Variants in PHF3 observed in about 807,000 individuals in gnomAD.
PHF3 encodes PHD finger protein 3.
Under a neutral mutation model 178.4 loss-of-function variants are expected in PHF3, and 41 were observed. The ratio of observed to expected loss-of-function variants is 0.23; its 90% CI spans 0.18 to 0.30. The LOEUF (loss-of-function observed/expected upper bound fraction) is 0.30. PHF3 is among the 10% of genes least tolerant of loss of function. The pLI is 1.00. For synonymous variants in PHF3, 842 were observed against 800.5 expected (o/e 1.05, Z -0.88); for missense variants, 2,346 against 2,398.1 (o/e 0.98, Z 0.45).
chr6:63,651,801 C>T (rs1447521708), intron 2 of PHF3, among the ~76,000 whole-genome samples: 5 of 152,086 alleles, frequency 3.3e-5, no homozygotes, highest in Non-Finnish European at 5.9e-5. Context: ...TGAGAGCATG[C>T]GGTATTTATA....
At chr6:63,662,426 A>G (rs1248256925) in intron 2 of PHF3, among the ~76,000 whole-genome samples, 2 of 152,084 alleles carry the variant, frequency 1.3e-5, no homozygotes, top group Admixed American at 1.3e-4. Context: ...AGTTCTAGTG[A>G]TTTTTCTCGC....
At chr6:63,710,826 T>G (rs1474389855) in intron 14 of PHF3, among the ~76,000 whole-genome samples, 2 of 152,138 alleles carry the variant, frequency 1.3e-5, no homozygotes, top group East Asian at 3.9e-4. Flanking sequence ...AATCAGGATA[T>G]AGTGTAGATA....
intron 4 of PHF3, among the ~76,000 whole-genome samples, chr6:63,687,697 T>A (rs1766776051): frequency 6.6e-6 from 1 of 152,192 alleles, no homozygotes; most frequent in Admixed American, 6.5e-5. Flanking sequence ...CAGTCCAGTC[T>A]TCAGGAGTTT....
intron 9 of PHF3, among the ~76,000 whole-genome samples, chr6:63,701,403 T>G (rs1272343041): frequency 1.3e-5 from 2 of 152,204 alleles, no homozygotes; most frequent in African/African-American, 2.4e-5. Context: ...TTGGAGATTG[T>G]GAACTTAAAG....
At position 63,721,689 on chromosome 6, in the gene PHF3, C is replaced by T. The variant is rs1561994287; in HGVS notation, c.*7981C>T. ...TCCTGCTTTTATTATATGCCAAGTA[C>T]TTCCGTTTATAGTTACTTTTTGGAG... On this transcript the variant is annotated 3_prime_UTR_variant, in exon 16 of 16. Coordinates refer to ENST00000262043, the MANE Select transcript of PHF3 (RefSeq NM_001370348.2). 1 of 1,551,410 alleles carries T rather than the reference C, an allele frequency of 6.4e-7. No homozygotes were observed. Among genetic ancestry groups the T allele is most frequent in the Non-Finnish European group, 8.7e-7 (1 of 1,146,758 alleles).
chr6:63,690,030 T>C (rs1766927336), intron 4 of PHF3, among the ~76,000 whole-genome samples: 1 of 152,148 alleles, frequency 6.6e-6, no homozygotes, highest in Admixed American at 6.5e-5. Context: ...TCATTACAAA[T>C]AATCATTTTT....
rs1404028499 is a variant in PHF3 at position 63,723,057 on chromosome 6, A to T, written c.*9349A>T. Among the ~76,000 whole-genome samples, 1 of 152,158 alleles carries T rather than the reference A, an allele frequency of 6.6e-6. No homozygotes were observed. Among genetic ancestry groups the T allele is most frequent in the Non-Finnish European group, 1.5e-5 (1 of 68,038 alleles). On this transcript the variant is annotated 3_prime_UTR_variant, in exon 16 of 16. Transcript: ENST00000262043. ...AAAACGGTATCTGGCCCATAAATAG[A>T]TGCTAAATAATTATTAAATAAAGAA...
chr6:63,674,562 C>G (rs1012379155), intron 2 of PHF3, among the ~76,000 whole-genome samples: 1 of 151,730 alleles, frequency 6.6e-6, no homozygotes, highest in African/African-American at 2.4e-5. Context: ...GTTACTCATT[C>G]ATGAAGGAAA....
In PHF3 at chr6:63,724,111, A is replaced by T. The variant is rs1768522359; in HGVS notation, c.*10403A>T. Among the ~76,000 whole-genome samples, 1 of 152,072 alleles carries T rather than the reference A, an allele frequency of 6.6e-6. No homozygotes were observed. Among genetic ancestry groups the T allele is most frequent in the Non-Finnish European group, 1.5e-5 (1 of 68,008 alleles). Reference sequence around the variant, plus strand: ...CATATGCCACTGCACCTGGCCTTGGATTCGCATTAGAGTAAGAAAATGTAA... The same window carrying T: ...CATATGCCACTGCACCTGGCCTTGGTTTCGCATTAGAGTAAGAAAATGTAA... On this transcript the variant is annotated 3_prime_UTR_variant, in exon 16 of 16. Coordinates refer to ENST00000262043, the MANE Select transcript of PHF3 (RefSeq NM_001370348.2).
In PHF3 at chr6:63,712,767, A is replaced by G. The variant is rs1768010125; in HGVS notation, c.5179A>G (p.Asn1727Asp). 6.2e-7 allele frequency: 1 copy of G among 1,613,858 alleles called. No individual in the cohort carries two copies. Among genetic ancestry groups the G allele is most frequent in the Non-Finnish European group, 8.5e-7 (1 of 1,179,964 alleles). The change falls in exon 16 of 16, where the codon AAC becomes GAC. Residue 1727 changes from asparagine (N) to aspartate (D), a missense_variant. This residue lies in a region of PHF3 where 839 missense variants were observed against 806.9 expected (regional missense o/e 1.04). Transcript: ENST00000262043. Reference protein sequence around the residue: ...KVAQNSPSVENIQTSQAEQAK... With the variant: ...KVAQNSPSVEDIQTSQAEQAK... ...TGCACAAAACTCACCATCAGTAGAAAACATACAGACTTCTCAAGCAGAACA... is the reference window on the plus strand; with the variant it reads ...TGCACAAAACTCACCATCAGTAGAAGACATACAGACTTCTCAAGCAGAACA...
At chr6:63,653,032 T>G (rs973829970) in intron 2 of PHF3, among the ~76,000 whole-genome samples, 9 of 151,258 alleles carry the variant, frequency 6.0e-5, no homozygotes, top group South Asian at 2.1e-4. Flanking sequence ...TTTTTTTTTT[T>G]TGTGGTTCTG....
chr6:63,636,819 A>G (rs970131914), intron 1 of PHF3: 2 of 152,030 alleles, frequency 1.3e-5, no homozygotes, highest in Non-Finnish European at 2.9e-5. Context: ...CCACTTGTCG[A>G]TACGTACGTG....
intron 4 of PHF3, among the ~76,000 whole-genome samples, chr6:63,690,980 T>G (rs1766973573): frequency 6.6e-6 from 1 of 152,180 alleles, no homozygotes; most frequent in Non-Finnish European, 1.5e-5. Context: ...ATAAGGAGAT[T>G]GGGAATTAAA....
intron 4 of PHF3, 22 bp from the exon 5 acceptor site, chr6:63,691,715 T>C (rs751216575): frequency 6.5e-7 from 1 of 1,532,366 alleles, no homozygotes; most frequent in Admixed American, 2.2e-5. Context: ...GGATAAAAGT[T>C]TTTTGGTGTT....
At chr6:63,683,099 C>T (rs1353580174) in intron 3 of PHF3, among the ~76,000 whole-genome samples, 4 of 151,942 alleles carry the variant, frequency 2.6e-5, no homozygotes, top group Non-Finnish European at 4.4e-5. Context: ...TACTCAGATA[C>T]TTTGTTGTGT....
Position 63,685,127 on chromosome 6 carries a change from G to A in PHF3, c.1405G>A (p.Asp469Asn). The change falls in exon 4 of 16, where the codon GAT (aspartate) becomes AAT (asparagine). Residue 469 changes from aspartate (D) to asparagine (N), a missense_variant. Transcript: ENST00000262043. ...IESHETANLQ[D>N]DRNSQSSSVS... ...GTCCCATGAAACAGCAAACCTTCAG[G>A]ATGACAGAAACAGCCAGTCAAGTAG... 6.2e-7 allele frequency: 1 copy of A among 1,613,982 alleles called. No homozygotes were observed. The highest frequency in any genetic ancestry group is 1.1e-5 in the South Asian group (1 of 91,072).
intron 4 of PHF3, among the ~76,000 whole-genome samples, chr6:63,687,693 A>T (rs1257940246): frequency 6.6e-6 from 1 of 152,232 alleles, no homozygotes; most frequent in African/African-American, 2.4e-5. Context: ...GTTCCAGTCC[A>T]GTCTTCAGGA....
In PHF3 at chr6:63,716,983, G is replaced by A. The variant is rs1768209779; in HGVS notation, c.*3275G>A. Among the ~76,000 whole-genome samples, 1 of 152,010 alleles carries A rather than the reference G, an allele frequency of 6.6e-6. No individual in the cohort carries two copies. The highest frequency in any genetic ancestry group is 1.5e-5 in the Non-Finnish European group (1 of 67,980). ...CAGGTGTTCCAAGGATTGGGGTGTA[G>A]ACATCTTTTGGGGGATTATCATCTA... On this transcript the variant is annotated 3_prime_UTR_variant, in exon 16 of 16. Coordinates refer to ENST00000262043, the MANE Select transcript of PHF3 (RefSeq NM_001370348.2).
In PHF3 at chr6:63,684,706, A is replaced by G; in HGVS notation, c.984A>G (p.Leu328=). The G allele has an allele frequency of 1.2e-6, 2 of 1,613,816 alleles. No individual in the cohort carries two copies. Among genetic ancestry groups the G allele is most frequent in the Non-Finnish European group, 1.7e-6 (2 of 1,179,768 alleles). ...AAGATTCAAAGGAGACAGTAAAATT[A>G]TCCCATGAAGATGACCATATTCTTG... is the stretch of plus-strand genomic sequence containing the variant. ...VEQDSKETVK[L]SHEDDHILED... is the part of the protein sequence containing the mutation. The change falls in exon 4 of 16, where the codon TTA becomes TTG. Residue 328 remains leucine, a synonymous_variant. Coordinates refer to ENST00000262043, the MANE Select transcript of PHF3 (RefSeq NM_001370348.2).
Sources: allele counts gnomAD v4.1 joint callset (sites outside exome capture counted in the v4.1 genomes callset), GRCh38; gene constraint gnomAD v4.1.1; regional missense constraint gnomAD v4.1.1; transcripts MANE v1.5; gene names NCBI Gene and HGNC (gene_info 2026-07-23, HGNC 2026-07-21).